Variants in LPCAT3 observed in about 807,000 individuals in gnomAD.
LPCAT3 encodes the protein lysophosphatidylcholine acyltransferase 3.
Under a neutral mutation model 63.4 loss-of-function variants are expected in LPCAT3, and 21 were observed. The observed-to-expected ratio is 0.33, with a 90% CI of 0.23 to 0.48. LPCAT3 has a LOEUF of 0.48. LPCAT3 is among the 20% of genes least tolerant of loss of function. LPCAT3 has a pLI of 0.99. For missense variants in LPCAT3, 451 were observed against 590.6 expected (o/e 0.76, Z 2.45); for synonymous variants, 242 against 227.5 (o/e 1.06, Z -0.58).
intron 1 of LPCAT3, among the ~76,000 whole-genome samples, chr12:7,002,220 ACCCTTATATACACTT>A (rs1946693085): frequency 6.6e-6 from 1 of 152,000 alleles, no homozygotes; most frequent in African/African-American, 2.4e-5. Context: ...TCCTGTTCTT[ACCCTTATATACACTT>A]GAAGTTTTAT....
rs1946398493 is a variant in LPCAT3, at chr12:6,976,262, ACCCCTCTCCACC to A, written c.*630_*641del. 6.5e-6 allele frequency: 1 copy of A among 154,318 alleles called. No individual in the cohort carries two copies. 9.6% of individuals were successfully genotyped at this position (154,318 alleles called of 1,614,324 possible). A position where few individuals can be genotyped will look rare whatever the true frequency, so the allele number is the denominator to read the frequency against. ...AAAAGTGGAGCAGGCAGGGCCTTGC[ACCCCTCTCCACC>A]CCCCCATGGGGGGGGTGGTGGTAGC... On this transcript the variant is annotated 3_prime_UTR_variant, in exon 13 of 13. Coordinates refer to ENST00000261407, the MANE Select transcript of LPCAT3 (RefSeq NM_005768.6).
intron 1 of LPCAT3, among the ~76,000 whole-genome samples, chr12:6,995,576 C>T (rs1555155944): frequency 1.3e-5 from 2 of 152,104 alleles, no homozygotes; most frequent in Non-Finnish European, 1.5e-5. Context: ...CCATCACTGT[C>T]ACCATGACCA....
rs1555154988 is a variant in LPCAT3 at position 6,987,963 on chromosome 12, T to G, written c.152-4424A>C. On this transcript the variant is annotated intron_variant, in intron 1 of 12. Coordinates refer to ENST00000261407, the MANE Select transcript of LPCAT3 (RefSeq NM_005768.6). This position sits in a 1 kb window ranked among gnomAD's most constrained non-coding sequence, Gnocchi z 4.1. ...TACTCTGGGATCAACAGTCACCTCTTGAACTTTTGGGGTGCTTGGCAATAG... is the reference window on the plus strand; with the variant it reads ...TACTCTGGGATCAACAGTCACCTCTGGAACTTTTGGGGTGCTTGGCAATAG... 2.5e-6 allele frequency: 1 copy of G among 397,672 alleles called. No homozygotes were observed. Among genetic ancestry groups the G allele is most frequent in the Non-Finnish European group, 4.4e-6 (1 of 224,880 alleles). The allele number at this position is 397,672 out of a possible 1,614,324, so 24.6% of individuals were successfully genotyped here. A position where few individuals can be genotyped will look rare whatever the true frequency, so the allele number is the denominator to read the frequency against.
chr12:6,989,669 A>G (rs1946569149), intron 1 of LPCAT3, among the ~76,000 whole-genome samples: 1 of 152,104 alleles, frequency 6.6e-6, no homozygotes, highest in Non-Finnish European at 1.5e-5. Flanking sequence ...GGTTGTAGTC[A>G]AGCACAGGGA....
chr12:7,014,120 T>A (rs1946782639), intron 1 of LPCAT3, among the ~76,000 whole-genome samples: 1 of 152,216 alleles, frequency 6.6e-6, no homozygotes, highest in Non-Finnish European at 1.5e-5. Context: ...AAATGTCCCA[T>A]CTTTAAATCT....
rs1591550187 is a variant in LPCAT3, at chr12:6,988,898, A to G, written c.152-5359T>C. 3.3e-5 allele frequency among the ~76,000 whole-genome samples: 5 copies of G among 152,236 alleles called. 1 individual carries two copies. On this transcript the variant is annotated intron_variant, in intron 1 of 12. Coordinates refer to ENST00000261407, the MANE Select transcript of LPCAT3 (RefSeq NM_005768.6). ...TCCCAGCACTTTGGGAGGCCGAGGC[A>G]GGCGGATCACCTGAGGTCAGGAGTT...
At chr12:6,992,211 C>T (rs1555155561) in intron 1 of LPCAT3, among the ~76,000 whole-genome samples, 1 of 151,926 alleles carries the variant, frequency 6.6e-6, no homozygotes, top group Admixed American at 6.6e-5. Flanking sequence ...TGGTGCACAC[C>T]TGTAGCCTCA....
chr12:6,977,869 A>T lies in LPCAT3; in HGVS notation c.1041-124T>A. 2 of 1,133,520 alleles carry T rather than the reference A, an allele frequency of 1.8e-6. No homozygotes were observed. Among genetic ancestry groups the T allele is most frequent in the Non-Finnish European group, 2.6e-6 (2 of 769,868 alleles). The allele number at this position is 1,133,520 out of a possible 1,614,324, so 70.2% of individuals were successfully genotyped here. A position where few individuals can be genotyped will look rare whatever the true frequency, so the allele number is the denominator to read the frequency against. ...TGGTGGGTTCCCACGTGTAGCCCCC[A>T]GAGGGTACAGGAGGCAGTGCTGACT... On this transcript the variant is annotated intron_variant, in intron 9 of 12. Coordinates refer to ENST00000261407, the MANE Select transcript of LPCAT3 (RefSeq NM_005768.6). The surrounding 1 kb of genome is among the most constrained non-coding windows in gnomAD (Gnocchi z 4.5).
At chr12:7,010,326 T>C (rs912022627) in intron 1 of LPCAT3, among the ~76,000 whole-genome samples, 1 of 152,232 alleles carries the variant, frequency 6.6e-6, no homozygotes, top group Non-Finnish European at 1.5e-5. Flanking sequence ...GCTCCTCCGC[T>C]TTCATCTCTA....
chr12:7,014,888 G>A (rs917108515), intron 1 of LPCAT3, among the ~76,000 whole-genome samples: 18 of 105,394 alleles, frequency 1.7e-4, no homozygotes, highest in Admixed American at 9.7e-4. Flanking sequence ...GCGAGACTCC[G>A]TCTCAAAAAA....
At chr12:6,982,615 TACCCCTGTCCCCTGA>T in intron 3 of LPCAT3, 46 bp downstream of exon 3, 1 of 1,279,230 alleles carries the variant, frequency 7.8e-7, no homozygotes, top group Non-Finnish European at 1.1e-6. Flanking sequence ...GTCCCCTGCC[TACCCCTGTCCCCTGA>T]ACCGCTGTCA....
chr12:7,001,411 C>T (rs1364118709), intron 1 of LPCAT3: 5 of 455,844 alleles, frequency 1.1e-5, no homozygotes, highest in African/African-American at 1.0e-4. Context: ...ACCACCCCAA[C>T]AAAATTAGGC....
rs1438591344 is a variant in LPCAT3 at position 7,017,735 on chromosome 12, A to G, written c.151+539T>C. 6.6e-6 allele frequency among the ~76,000 whole-genome samples: 1 copy of G among 152,240 alleles called. No homozygotes were observed. The highest frequency in any genetic ancestry group is 2.4e-5 in the African/African-American group (1 of 41,458). ...TGGCTTGGAAAATAAAAAAAGCAAC[A>G]TGGTATAAAAAGAAAATAGTAGGAC... On this transcript the variant is annotated intron_variant, in intron 1 of 12. Coordinates refer to ENST00000261407, the MANE Select transcript of LPCAT3 (RefSeq NM_005768.6). The surrounding 1 kb of genome is among the most constrained non-coding windows in gnomAD (Gnocchi z 4.1).
At chr12:6,998,492 C>T (rs190670131) in intron 1 of LPCAT3, among the ~76,000 whole-genome samples, 164 of 152,266 alleles carry the variant, frequency 1.1e-3, no homozygotes, top group Admixed American at 3.1e-3. Flanking sequence ...TGTTAGAGAA[C>T]TTACAGAGAA....
At chr12:6,983,156 C>A in intron 2 of LPCAT3, 1 of 467,234 alleles carries the variant, frequency 2.1e-6, no homozygotes, top group Non-Finnish European at 3.9e-6. Context: ...TTGGCTCGGT[C>A]ATTCAGTTAC....
intron 1 of LPCAT3, among the ~76,000 whole-genome samples, chr12:6,993,820 C>A (rs896660082): frequency 6.6e-6 from 1 of 152,036 alleles, no homozygotes; most frequent in Non-Finnish European, 1.5e-5. Flanking sequence ...CTATGTTGCT[C>A]AGGCTGGTCT....
intron 1 of LPCAT3, among the ~76,000 whole-genome samples, chr12:6,985,709 T>C (rs1946518799): frequency 6.6e-6 from 1 of 151,570 alleles, no homozygotes; most frequent in Non-Finnish European, 1.5e-5. Context: ...AGCGAGACTC[T>C]GTCTCAAAAC....
At chr12:7,011,338 G>A (rs1946762952) in intron 1 of LPCAT3, among the ~76,000 whole-genome samples, 1 of 152,124 alleles carries the variant, frequency 6.6e-6, no homozygotes, top group African/African-American at 2.4e-5. Context: ...GCCTGACCTG[G>A]AAAATTGTAT....
At position 6,977,089 on chromosome 12, in the gene LPCAT3, A is replaced by C; in HGVS notation, c.*12+45T>G. ...TTGTTTTTTTCCAGTCTGTTGCTCTATTCTGTAACCTGGTGGTAGTTTTAG... is the reference window on the plus strand; with the variant it reads ...TTGTTTTTTTCCAGTCTGTTGCTCTCTTCTGTAACCTGGTGGTAGTTTTAG... On this transcript the variant is annotated intron_variant, in intron 12 of 12. Transcript: ENST00000261407. The surrounding 1 kb of genome is among the most constrained non-coding windows in gnomAD (Gnocchi z 4.5). The C allele has an allele frequency of 8.3e-7, 1 of 1,200,812 alleles. No homozygotes were observed. 74.4% of individuals were successfully genotyped at this position (1,200,812 alleles called of 1,614,324 possible).
Sources: gnomAD v4.1 joint callset for allele counts (sites outside exome capture counted in the v4.1 genomes callset) on GRCh38, gnomAD v4.1.1 for gene constraint, Gnocchi (gnomAD v3.1) non-coding constraint, MANE v1.5 for transcripts, NCBI Gene and HGNC (gene_info 2026-07-23, HGNC 2026-07-21) for gene names.